The following PALLD variants were observed in gnomAD, a reference collection of about 807,000 sequenced individuals.
PALLD encodes the protein palladin, cytoskeletal associated protein, also known as palladin.
A neutral mutation model predicts 123.5 loss-of-function variants in PALLD; 61 were observed. That is an observed-to-expected ratio of 0.49 (90% confidence interval 0.40 to 0.61). The LOEUF is 0.61. Ranked by LOEUF, PALLD falls within the 20% of genes least tolerant of loss-of-function variation. The pLI is 0.00. For synonymous variants in PALLD, 465 were observed against 496.4 expected, an observed-to-expected ratio of 0.94 and a Z score of 0.84; for missense variants, 1,273 against 1,377.0, an observed-to-expected ratio of 0.92 and a Z score of 1.20.
intron 10 of PALLD, among the ~76,000 whole-genome samples, chr4:168,740,751 G>C (rs562783413): frequency 6.6e-6 from 1 of 152,294 alleles, no homozygotes; most frequent in South Asian, 2.1e-4. Context: ...TACCACAACT[G>C]TACTTCTCTT....
chr4:168,640,249 A>T (rs1450242591), intron 2 of PALLD, among the ~76,000 whole-genome samples: 1 of 152,146 alleles, frequency 6.6e-6, no homozygotes, highest in African/African-American at 2.4e-5. Context: ...TAGCATCCAG[A>T]ACTTTTCCGA....
chr4:168,905,390 C>T (rs1230030316), intron 15 of PALLD, among the ~76,000 whole-genome samples: 2 of 151,416 alleles, frequency 1.3e-5, no homozygotes, highest in Admixed American at 6.6e-5. Context: ...CCTCGTGATC[C>T]GCCCGCCTCG....
chr4:168,746,380 C>CAGAAAAAAA (rs1730306271), intron 10 of PALLD, among the ~76,000 whole-genome samples: 1 of 37,016 alleles, frequency 2.7e-5, no homozygotes, highest in Non-Finnish European at 5.4e-5. Flanking sequence ...GAACCCGTCT[C>CAGAAAAAAA]AAAAAAAAAA....
chr4:168,566,033 G>A (rs1273066395), intron 2 of PALLD, among the ~76,000 whole-genome samples: 1 of 151,762 alleles, frequency 6.6e-6, no homozygotes, highest in African/African-American at 2.4e-5. Flanking sequence ...GGATACTATT[G>A]GTTATAATAG....
chr4:168,831,560 G>GT (rs1467379791), intron 10 of PALLD, among the ~76,000 whole-genome samples: 1 of 152,104 alleles, frequency 6.6e-6, no homozygotes, highest in Non-Finnish European at 1.5e-5. Context: ...TCACACAATC[G>GT]TTTTTACACT....
At chr4:168,850,428 T>G (rs1482757412) in intron 10 of PALLD, among the ~76,000 whole-genome samples, 1 of 151,642 alleles carries the variant, frequency 6.6e-6, no homozygotes, top group African/African-American at 2.4e-5. Flanking sequence ...TTGTTCACAT[T>G]GCAAACCTGT....
At chr4:168,587,542 G>A (rs949976478) in intron 2 of PALLD, among the ~76,000 whole-genome samples, 5 of 152,110 alleles carry the variant, frequency 3.3e-5, no homozygotes, top group African/African-American at 7.2e-5. Flanking sequence ...TAGGGAGAGC[G>A]GATGTGAAGG....
At chr4:168,566,218 A>G (rs185673922) in intron 2 of PALLD, among the ~76,000 whole-genome samples, 1 of 151,310 alleles carries the variant, frequency 6.6e-6, no homozygotes, top group Admixed American at 6.6e-5. Context: ...TTCTAGATTT[A>G]GACCTTGTTT....
At chr4:168,769,086 G>C (rs541020629) in intron 10 of PALLD, among the ~76,000 whole-genome samples, 16 of 152,348 alleles carry the variant, frequency 1.1e-4, no homozygotes, top group Middle Eastern at 6.8e-3. Context: ...GCCTCCCAAA[G>C]TACTGGGATT....
At chr4:168,684,319 G>A (rs1020917560) in intron 5 of PALLD, among the ~76,000 whole-genome samples, 1 of 152,110 alleles carries the variant, frequency 6.6e-6, no homozygotes, top group South Asian at 2.1e-4. Context: ...GGAATGGAAG[G>A]TAATTTACCC....
chr4:168,534,670 T>C (rs781547161), intron 2 of PALLD, among the ~76,000 whole-genome samples: 5 of 152,222 alleles, frequency 3.3e-5, no homozygotes, highest in Non-Finnish European at 1.5e-5. Context: ...GTACATATTG[T>C]AATAGCACAT....
intron 2 of PALLD, among the ~76,000 whole-genome samples, chr4:168,523,363 A>G (rs1763752153): frequency 6.6e-6 from 1 of 152,142 alleles, no homozygotes; most frequent in Non-Finnish European, 1.5e-5. Context: ...GATCTTCAAA[A>G]TAATTTTCAC....
intron 10 of PALLD, among the ~76,000 whole-genome samples, chr4:168,727,937 C>A (rs1177275131): frequency 6.6e-6 from 1 of 152,112 alleles, no homozygotes; most frequent in Non-Finnish European, 1.5e-5. Flanking sequence ...GGCTAGCCAG[C>A]TATCCCAGCA....
chr4:168,841,571 T>C lies in PALLD; in HGVS notation c.1965-49351T>C, dbSNP rs562829829. ...GAGAAAATGCAGCAGTGGGGTTGAG[T>C]AGACACCTCAGCCACGGAGTGACAG... On this transcript the variant is annotated intron_variant, in intron 10 of 21. Coordinates refer to ENST00000505667, the MANE Select transcript of PALLD (RefSeq NM_001166108.2). 2.0e-5 allele frequency among the ~76,000 whole-genome samples: 3 copies of C among 152,206 alleles called. No individual in the cohort carries two copies. The South Asian group carries it at 6.2e-4, about 32-fold the overall frequency.
At chr4:168,866,395 G>A (rs1028617579) in intron 10 of PALLD, among the ~76,000 whole-genome samples, 2 of 152,174 alleles carry the variant, frequency 1.3e-5, no homozygotes. Flanking sequence ...GTGAAGGACA[G>A]AACCATAAGT....
chr4:168,608,245 A>G (rs1773382835), intron 2 of PALLD, among the ~76,000 whole-genome samples: 1 of 152,240 alleles, frequency 6.6e-6, no homozygotes, highest in South Asian at 2.1e-4. Flanking sequence ...TCCATGCTTT[A>G]TAACTAAAGT....
chr4:168,813,315 C>A (rs942910534), intron 10 of PALLD, among the ~76,000 whole-genome samples: 5 of 152,142 alleles, frequency 3.3e-5, no homozygotes, highest in Non-Finnish European at 7.4e-5. Context: ...GCTTTTCACT[C>A]TACATCATGC....
intron 10 of PALLD, among the ~76,000 whole-genome samples, chr4:168,826,951 T>C (rs7664554): frequency 0.7 from 105,773 of 152,022 alleles, 37,338 homozygotes; most frequent in African/African-American, 0.78. Context: ...ACTCTGATTT[T>C]GAGTCCTCTG....
chr4:168,837,396 T>C (rs1423419699), intron 10 of PALLD, among the ~76,000 whole-genome samples: 1 of 152,254 alleles, frequency 6.6e-6, no homozygotes, highest in East Asian at 1.9e-4. Flanking sequence ...AGTTTTTAAA[T>C]AGTCTTCAGT....
Sources: gnomAD v4.1 joint callset for allele counts (sites outside exome capture counted in the v4.1 genomes callset) on GRCh38, gnomAD v4.1.1 for gene constraint, MANE v1.5 for transcripts, NCBI Gene and HGNC (gene_info 2026-07-23, HGNC 2026-07-21) for gene names.